The following LPCAT1 variants were observed in gnomAD, a reference collection of about 807,000 sequenced individuals.
LPCAT1 encodes lysophosphatidylcholine acyltransferase 1.
LPCAT1 carries 23 observed loss-of-function variants against 60.9 expected under a neutral mutation model. The observed-to-expected ratio is 0.38, with a 90% confidence interval of 0.27 to 0.53. The LOEUF (loss-of-function observed/expected upper bound fraction) is 0.53. LPCAT1 is among the 20% of genes least tolerant of loss of function. The pLI, the probability that LPCAT1 is intolerant of heterozygous loss-of-function variation, is 0.82. For missense variants in LPCAT1, 622 were observed against 723.6 expected (o/e 0.86, Z 1.61); for synonymous variants, 340 against 301.1 (o/e 1.13, Z -1.34).
intron 2 of LPCAT1, among the ~76,000 whole-genome samples, chr5:1,499,918 C>T (rs1461797611): frequency 6.6e-6 from 1 of 152,260 alleles, no homozygotes; most frequent in East Asian, 1.9e-4. Context: ...GCTGTACATA[C>T]AGCCCACAGA....
In LPCAT1 at chr5:1,483,787, C is replaced by T. The variant is rs552373098; in HGVS notation, c.668-301G>A. Among the ~76,000 whole-genome samples, 15 of 150,188 alleles carry T rather than the reference C, an allele frequency of 1.0e-4. No homozygotes were observed. The South Asian group carries it at 1.9e-3, about 19-fold the overall frequency. ...AGGGACACTTGCTATTATAACATTG[C>T]GCACGAGCTGGAAGACATCCGTGGA... On this transcript the variant is annotated intron_variant, in intron 5 of 13. Coordinates refer to ENST00000283415, the MANE Select transcript of LPCAT1 (RefSeq NM_024830.5). This position sits in a 1 kb window ranked among gnomAD's most constrained non-coding sequence, Gnocchi z 9.2.
intron 1 of LPCAT1, among the ~76,000 whole-genome samples, chr5:1,503,144 C>T (rs942247508): frequency 6.6e-6 from 1 of 152,128 alleles, no homozygotes; most frequent in Non-Finnish European, 1.5e-5. Flanking sequence ...GTTTGGTTTG[C>T]GAGAGATGAC....
intron 13 of LPCAT1, among the ~76,000 whole-genome samples, chr5:1,466,428 G>A (rs543582183): frequency 6.6e-6 from 1 of 152,332 alleles, no homozygotes; most frequent in East Asian, 1.9e-4. Context: ...CAGTGGCCTC[G>A]AGGGCTGGGT....
rs893677656 is a variant in LPCAT1, at chr5:1,474,085, C to G, written c.1051G>C (p.Asp351His). The G allele has an allele frequency of 6.2e-7, 1 of 1,613,370 alleles. No individual in the cohort carries two copies. Among genetic ancestry groups the G allele is most frequent in the Non-Finnish European group, 8.5e-7 (1 of 1,179,788 alleles). Residue 351 changes from aspartate to histidine, a missense_variant, in exon 11 of 14, where the codon GAT (aspartate) becomes CAT (histidine). Asp to His is a moderately conservative substitution (Grantham distance 81). This residue lies in a region of LPCAT1 where 288 missense variants were observed against 283.6 expected (regional missense o/e 1.02). Transcript: ENST00000283415. ...LGLKPEKLEK[D>H]LDRYSERARM... ...GCTCTTTCTGAGTATCTGTCCAGAT[C>G]TTTTTCAAGCTTTTCTGGTTTTAGC...
intron 11 of LPCAT1, 82 bp from the exon 12 acceptor site, chr5:1,471,006 T>A: frequency 9.0e-7 from 1 of 1,111,386 alleles, no homozygotes; most frequent in Non-Finnish European, 1.3e-6. Context: ...GGTGCTGGTG[T>A]TAATTAAAGG....
chr5:1,500,098 T>G (rs946119172), intron 2 of LPCAT1, among the ~76,000 whole-genome samples: 27 of 152,244 alleles, frequency 1.8e-4, no homozygotes, highest in African/African-American at 5.8e-4. Flanking sequence ...GGCGTGCCCG[T>G]GCTCCAGTAA....
At chr5:1,468,214 A>G (rs1734518352) in intron 12 of LPCAT1, among the ~76,000 whole-genome samples, 1 of 145,518 alleles carries the variant, frequency 6.9e-6, no homozygotes, top group Non-Finnish European at 1.5e-5. Context: ...CTCACCCTCC[A>G]CTCTCCCTCC....
chr5:1,470,203 G>T (rs1270617544), intron 12 of LPCAT1, among the ~76,000 whole-genome samples: 1 of 152,246 alleles, frequency 6.6e-6, no homozygotes, highest in South Asian at 2.1e-4. Context: ...CTCTATCCCA[G>T]ATGAAATCCA....
rs1735456436 is a variant in LPCAT1, at chr5:1,488,569, G to C, written c.607-118C>G. The C allele has an allele frequency of 1.2e-5, 8 of 668,564 alleles. No individual in the cohort carries two copies. In the East Asian group the frequency reaches 2.1e-4, roughly 18 times the overall value. 41.4% of individuals were successfully genotyped at this position (668,564 alleles called of 1,614,324 possible). ...TTCTGCTGACATAATTTGGACACTG[G>C]GATCATATTCAGTACGTAAATTATT... On this transcript the variant is annotated intron_variant, in intron 4 of 13. Coordinates refer to ENST00000283415, the MANE Select transcript of LPCAT1 (RefSeq NM_024830.5).
At chr5:1,470,720 A>G (rs2126488840) in intron 12 of LPCAT1, 106 bp downstream of exon 12, 3 of 791,678 alleles carry the variant, frequency 3.8e-6, no homozygotes, top group Non-Finnish European at 5.8e-6. Context: ...AGTTGGGCAA[A>G]TGATCAATTA....
rs182162514 is a variant in LPCAT1, at chr5:1,476,519, C to A, written c.899+885G>T. The stretch of plus-strand genomic sequence containing the variant: ...GGCCGTGGCTGTGTTCCCCTCTGGG[C>A]TCTCTGGAGAGGCGAGTTCCCAGCC... On this transcript the variant is annotated intron_variant, in intron 9 of 13. Transcript: ENST00000283415. The surrounding 1 kb of genome is among the most constrained non-coding windows in gnomAD (Gnocchi z 8.6). Among the ~76,000 whole-genome samples the A allele has an allele frequency of 2.0e-5, 3 of 152,240 alleles. No homozygotes were observed. The highest frequency in any genetic ancestry group is 4.1e-4 in the South Asian group (2 of 4,822).
Position 1,490,828 on chromosome 5 carries a change from T to C in LPCAT1, c.494-970A>G, listed in dbSNP as rs2169780. ...GAAGACTTTAAAATGAAACTATCCCTGAGTGGAGCTTCCTTTTTGAGGACG... is the reference window on the plus strand; with the variant it reads ...GAAGACTTTAAAATGAAACTATCCCCGAGTGGAGCTTCCTTTTTGAGGACG... On this transcript the variant is annotated intron_variant, in intron 3 of 13. Coordinates refer to ENST00000283415, the MANE Select transcript of LPCAT1 (RefSeq NM_024830.5). 1.1e-4 allele frequency among the ~76,000 whole-genome samples: 17 copies of C among 152,302 alleles called. No individual in the cohort carries two copies. In the South Asian group the frequency reaches 2.7e-3, roughly 24 times the overall value.
In LPCAT1 at chr5:1,487,826, G is replaced by A. The variant is rs958417631; in HGVS notation, c.667+565C>T. 1.3e-5 allele frequency among the ~76,000 whole-genome samples: 2 copies of A among 152,132 alleles called. No individual in the cohort carries two copies. The highest frequency in any genetic ancestry group is 2.9e-5 in the Non-Finnish European group (2 of 68,032). On this transcript the variant is annotated intron_variant, in intron 5 of 13. Transcript: ENST00000283415. This position sits in a 1 kb window ranked among gnomAD's most constrained non-coding sequence, Gnocchi z 6.1. ...ACAGACTCAGCGCAAAAAGAACAGT[G>A]GACTCTGCTGCCTGCTCACTGCCAC...
chr5:1,479,539 G>A (rs1490556771), intron 8 of LPCAT1, 82 bp downstream of exon 8: 2 of 1,002,692 alleles, frequency 2.0e-6, no homozygotes, highest in East Asian at 2.4e-5. Context: ...ATTGTACAAG[G>A]CTTATCTGGG....
At chr5:1,473,109 G>T (rs1734754318) in intron 11 of LPCAT1, among the ~76,000 whole-genome samples, 1 of 152,080 alleles carries the variant, frequency 6.6e-6, no homozygotes, top group African/African-American at 2.4e-5. Context: ...CTCCTCACCT[G>T]CTCTCTGGCC....
chr5:1,518,952 G>A (rs575674288), intron 1 of LPCAT1, among the ~76,000 whole-genome samples: 2 of 152,386 alleles, frequency 1.3e-5, no homozygotes, highest in African/African-American at 4.8e-5. Context: ...AAGGAACCGT[G>A]CCTGCAGGAA....
At chr5:1,503,418 C>T (rs556057533) in intron 1 of LPCAT1, among the ~76,000 whole-genome samples, 2 of 152,364 alleles carry the variant, frequency 1.3e-5, no homozygotes, top group South Asian at 2.1e-4. Flanking sequence ...AGAGGTGCTT[C>T]CTGCATCTGT....
At chr5:1,512,881 T>G (rs747410047) in intron 1 of LPCAT1, among the ~76,000 whole-genome samples, 1 of 152,194 alleles carries the variant, frequency 6.6e-6, no homozygotes, top group African/African-American at 2.4e-5. Flanking sequence ...GGTGTCCAGG[T>G]GCAGGCAGAA....
chr5:1,493,125 T>G (rs1029016897), intron 3 of LPCAT1, among the ~76,000 whole-genome samples: 2 of 152,198 alleles, frequency 1.3e-5, no homozygotes, highest in South Asian at 2.1e-4. Context: ...CAGTCTCGCC[T>G]CCAGTGCCGG....
Sources: allele counts gnomAD v4.1 joint callset (sites outside exome capture counted in the v4.1 genomes callset), GRCh38; gene constraint gnomAD v4.1.1; regional missense constraint gnomAD v4.1.1; non-coding constraint Gnocchi (gnomAD v3.1); transcripts MANE v1.5; gene names NCBI Gene and HGNC (gene_info 2026-07-23, HGNC 2026-07-21).